Variants in MYO3A observed in about 807,000 individuals in gnomAD.
MYO3A encodes myosin-IIIa.
A neutral mutation model predicts 192.7 loss-of-function variants in MYO3A; 180 were observed. The observed-to-expected ratio is 0.93, with a 90% CI of 0.83 to 1.06. MYO3A has a LOEUF of 1.06. Among genes scored for constraint, MYO3A ranks in the 50% least tolerant of loss-of-function variants. The pLI, the probability that MYO3A is intolerant of heterozygous loss-of-function variation, is 0.00. For synonymous variants in MYO3A, 628 were observed against 645.3 expected (o/e 0.97, Z 0.41); for missense variants, 1,896 against 1,905.0 (o/e 1.00, Z 0.09).
chr10:26,057,948 G>A (rs1834213535), intron 10 of MYO3A, among the ~76,000 whole-genome samples: 2 of 115,230 alleles, frequency 1.7e-5, no homozygotes, highest in Admixed American at 1.6e-4. Context: ...ACACCACAGT[G>A]GTACTTTTTT....
intron 10 of MYO3A, among the ~76,000 whole-genome samples, chr10:26,055,378 G>T (rs1844253001): frequency 6.6e-6 from 1 of 151,984 alleles, no homozygotes; most frequent in Admixed American, 6.6e-5. Flanking sequence ...ATCCATCAGA[G>T]AATAAGGTTA....
intron 6 of MYO3A, among the ~76,000 whole-genome samples, chr10:26,012,976 G>C (rs550672049): frequency 1.3e-5 from 2 of 151,850 alleles, no homozygotes; most frequent in Non-Finnish European, 2.9e-5. Flanking sequence ...AGCCAAATAC[G>C]TACAGCCAAC....
chr10:25,968,165 G>A (rs969130515), intron 4 of MYO3A, among the ~76,000 whole-genome samples: 1 of 152,104 alleles, frequency 6.6e-6, no homozygotes, highest in African/African-American at 2.4e-5. Flanking sequence ...GATTATAAAA[G>A]CAGCAAGAGA....
chr10:26,133,778 TA>T (rs1839691578), intron 20 of MYO3A, among the ~76,000 whole-genome samples: 1 of 152,130 alleles, frequency 6.6e-6, no homozygotes, highest in Non-Finnish European at 1.5e-5. Flanking sequence ...GAAGTTTTGA[TA>T]AAAAGTAATT....
chr10:26,106,235 A>G (rs1680775494), intron 17 of MYO3A, among the ~76,000 whole-genome samples: 1 of 152,090 alleles, frequency 6.6e-6, no homozygotes, highest in Non-Finnish European at 1.5e-5. Flanking sequence ...CATGATATGT[A>G]TGTCTTCTCA....
intron 33 of MYO3A, 102 bp downstream of exon 33, chr10:26,201,407 G>GTGAGCCACCGCGCCTGGC: frequency 1.2e-6 from 1 of 847,368 alleles, no homozygotes; most frequent in Non-Finnish European, 1.8e-6. Flanking sequence ...TAGGCCAGGC[G>GTGAGCCACCGCGCCTGGC]CGGTGGCTCA....
intron 31 of MYO3A, among the ~76,000 whole-genome samples, chr10:26,179,031 C>T (rs1043642296): frequency 1.3e-5 from 2 of 150,310 alleles, no homozygotes; most frequent in African/African-American, 4.9e-5. Flanking sequence ...TCGATCCGAC[C>T]CTGTGATCCG....
chr10:26,064,663 G>A (rs1521032), intron 10 of MYO3A, among the ~76,000 whole-genome samples: 72,086 of 151,762 alleles, frequency 0.47, 17,911 homozygotes, highest in Middle Eastern at 0.59. Flanking sequence ...GAAATATAGT[G>A]GGGGGATGGT....
intron 3 of MYO3A, among the ~76,000 whole-genome samples, chr10:25,953,782 A>G (rs533543911): frequency 6.6e-6 from 1 of 152,134 alleles, no homozygotes; most frequent in Non-Finnish European, 1.5e-5. Context: ...TTTCATGACT[A>G]TTAAGCTTAA....
intron 17 of MYO3A, among the ~76,000 whole-genome samples, chr10:26,104,424 C>T (rs1485541465): frequency 2.0e-5 from 3 of 152,014 alleles, no homozygotes; most frequent in Non-Finnish European, 4.4e-5. Flanking sequence ...TTCAGTGTAC[C>T]AGCACCATTG....
intron 10 of MYO3A, among the ~76,000 whole-genome samples, chr10:26,035,480 T>C (rs1842981493): frequency 6.6e-6 from 1 of 152,242 alleles, no homozygotes; most frequent in Non-Finnish European, 1.5e-5. Context: ...TGAAACAGTG[T>C]AAAGAACCAT....
In MYO3A at chr10:26,176,844, A is replaced by T; in HGVS notation, c.4437A>T (p.Ser1479=). 1.2e-6 allele frequency: 2 copies of T among 1,614,086 alleles called. No individual in the cohort carries two copies. Among genetic ancestry groups the T allele is most frequent in the Non-Finnish European group, 1.7e-6 (2 of 1,179,938 alleles). ...GAGTTTCTTCTCAGCAGTGCCTCTCAGGTAAAAATCAGTAGAGTTAGAACT... is the reference window on the plus strand; with the variant it reads ...GAGTTTCTTCTCAGCAGTGCCTCTCTGGTAAAAATCAGTAGAGTTAGAACT... ...NRRVSSQQCL[S]GVCKGEEPKI... The change falls in exon 31 of 35, where the codon TCA becomes TCT. Residue 1479 remains serine, a splice_region_variant and synonymous_variant. Transcript: ENST00000642920.
intron 32 of MYO3A, among the ~76,000 whole-genome samples, chr10:26,196,507 C>A (rs978108625): frequency 9.9e-5 from 15 of 152,228 alleles, no homozygotes; most frequent in South Asian, 8.3e-4. Flanking sequence ...AGTTTGAAAT[C>A]TATGACTTCA....
chr10:25,988,772 C>T (rs1314072831), intron 4 of MYO3A, among the ~76,000 whole-genome samples: 2 of 151,610 alleles, frequency 1.3e-5, no homozygotes, highest in African/African-American at 4.8e-5. Context: ...CCCATTAAAA[C>T]AGCATTTAGA....
At chr10:26,174,580 T>G in intron 30 of MYO3A, 23 bp downstream of exon 30, 1 of 1,589,784 alleles carries the variant, frequency 6.3e-7, no homozygotes, top group Non-Finnish European at 8.6e-7. Flanking sequence ...ATAAATTTAT[T>G]TACTAATAAA....
chr10:26,016,920 C>T (rs761132650), intron 7 of MYO3A, 24 bp downstream of exon 7: 1 of 1,600,760 alleles, frequency 6.2e-7, no homozygotes, highest in East Asian at 2.2e-5. Flanking sequence ...TTGAGGCAGA[C>T]AAACGTAATA....
In MYO3A at chr10:26,168,854, G is replaced by A; in HGVS notation, c.3254G>A (p.Ser1085Asn). Residue 1085 changes from serine to asparagine, a missense_variant, in exon 28 of 35, where the codon AGC becomes AAC. By Grantham distance (46) the Ser-to-Asn change is conservative. Transcript: ENST00000642920. ...AAAATACAGGAGAAAAGGAAAGAAA[G>A]CGCTATAATAATACAGTCAGGTAAT... ...YQKIQEKRKESAIIIQSAARG... is the reference protein window; with the variant it reads ...YQKIQEKRKENAIIIQSAARG... 1 of 1,611,326 alleles carries A rather than the reference G, an allele frequency of 6.2e-7. No individual in the cohort carries two copies. The highest frequency in any genetic ancestry group is 1.1e-5 in the South Asian group (1 of 91,026).
At chr10:26,119,386 G>A (rs775873507) in intron 17 of MYO3A, among the ~76,000 whole-genome samples, 2 of 152,124 alleles carry the variant, frequency 1.3e-5, no homozygotes, top group Admixed American at 6.5e-5. Context: ...TGAATTACCT[G>A]TGACTAGAAC....
intron 10 of MYO3A, among the ~76,000 whole-genome samples, chr10:26,036,751 C>G (rs1405852356): frequency 6.6e-6 from 1 of 152,218 alleles, no homozygotes; most frequent in African/African-American, 2.4e-5. Context: ...ACTGTAGCCC[C>G]TGGGGCCACT....
Sources: allele counts gnomAD v4.1 joint callset (sites outside exome capture counted in the v4.1 genomes callset), GRCh38; gene constraint gnomAD v4.1.1; transcripts MANE v1.5; gene names NCBI Gene and HGNC (gene_info 2026-07-23, HGNC 2026-07-21).